RIPOR2: variants seen among roughly 807,000 people sequenced by gnomAD.
RIPOR2 encodes the protein rho family-interacting cell polarization regulator 2.
RIPOR2 carries 39 observed loss-of-function variants against 114.5 expected under a neutral mutation model. That is an observed-to-expected ratio of 0.34 (90% CI 0.26 to 0.44). The LOEUF is 0.44. RIPOR2 is among the 20% of genes least tolerant of loss of function. RIPOR2 has a pLI of 1.00. For missense variants in RIPOR2, 1,007 were observed against 1,255.1 expected (o/e 0.80, Z 2.99); for synonymous variants, 445 against 484.4 (o/e 0.92, Z 1.07).
intron 1 of RIPOR2, among the ~76,000 whole-genome samples, chr6:25,026,039 A>ATT (rs1287315132): frequency 7.5e-6 from 1 of 133,098 alleles, no homozygotes; most frequent in Non-Finnish European, 1.5e-5. Flanking sequence ...AGTTACAAAG[A>ATT]TTGTTGTTTT....
At chr6:24,861,764 CT>C (rs1764092404) in intron 7 of RIPOR2, among the ~76,000 whole-genome samples, 1 of 152,174 alleles carries the variant, frequency 6.6e-6, no homozygotes, top group African/African-American at 2.4e-5. Context: ...ATGTCTATCA[CT>C]TACTGTCAAA....
intron 1 of RIPOR2, among the ~76,000 whole-genome samples, chr6:24,971,425 T>C (rs898084289): frequency 1.3e-5 from 2 of 152,274 alleles, no homozygotes; most frequent in Non-Finnish European, 2.9e-5. Context: ...ATTAACTAGC[T>C]GAATGCCAAC....
chr6:24,832,699 G>A (rs1038822106), intron 15 of RIPOR2, among the ~76,000 whole-genome samples: 13 of 152,162 alleles, frequency 8.5e-5, no homozygotes, highest in Non-Finnish European at 1.5e-4. Flanking sequence ...CCTTTGAAAC[G>A]TGAGGGGCAG....
At chr6:24,840,230 C>T in intron 13 of RIPOR2, 1 of 1,003,018 alleles carries the variant, frequency 1.0e-6, no homozygotes, top group Non-Finnish European at 1.2e-6. Flanking sequence ...AGGCATGAGC[C>T]ACCGCACCTG....
At chr6:24,876,151 G>T (rs1262881134) in intron 1 of RIPOR2, among the ~76,000 whole-genome samples, 2 of 151,960 alleles carry the variant, frequency 1.3e-5, no homozygotes, top group South Asian at 2.1e-4. Flanking sequence ...TTAGCTGGGC[G>T]TGGTGGCGCA....
intron 1 of RIPOR2, among the ~76,000 whole-genome samples, chr6:24,993,730 G>A (rs886586875): frequency 6.6e-6 from 1 of 152,192 alleles, no homozygotes; most frequent in Non-Finnish European, 1.5e-5. Context: ...TCTGCCAATT[G>A]TTTGCTTGTT....
At chr6:24,821,972 G>A (rs961697255) in intron 19 of RIPOR2, among the ~76,000 whole-genome samples, 1 of 152,238 alleles carries the variant, frequency 6.6e-6, no homozygotes, top group African/African-American at 2.4e-5. Context: ...TGGTTTGATA[G>A]TTAGCCTTCA....
At chr6:24,892,919 G>A (rs1378392967) in intron 1 of RIPOR2, among the ~76,000 whole-genome samples, 4 of 152,142 alleles carry the variant, frequency 2.6e-5, no homozygotes, top group Admixed American at 2.6e-4. Context: ...TTTGTCAGGT[G>A]TAAAATGGCC....
chr6:24,921,323 C>A (rs1384730295), intron 1 of RIPOR2, among the ~76,000 whole-genome samples: 1 of 151,178 alleles, frequency 6.6e-6, no homozygotes, highest in African/African-American at 2.5e-5. Context: ...CCACCACACC[C>A]AGCTATTTTT....
intron 6 of RIPOR2, among the ~76,000 whole-genome samples, chr6:24,867,123 T>A (rs918177469): frequency 1.3e-5 from 2 of 152,258 alleles, no homozygotes; most frequent in African/African-American, 4.8e-5. Flanking sequence ...TGCTATTTAC[T>A]TCAACAATGC....
At chr6:24,840,331 G>A in intron 13 of RIPOR2, 1 of 1,074,084 alleles carries the variant, frequency 9.3e-7, no homozygotes, top group Non-Finnish European at 1.1e-6. Flanking sequence ...CTGGAGCTCT[G>A]CCTCAAAGGG....
At chr6:25,042,003 C>A in exon 1 of RIPOR2, 2 of 555,290 alleles carry the variant, frequency 3.6e-6, no homozygotes, top group African/African-American at 1.9e-5. Flanking sequence ...GAAGTTAAGT[C>A]CAGACGTATA....
At chr6:24,840,859 A>G in intron 13 of RIPOR2, 2 of 1,286,744 alleles carry the variant, frequency 1.6e-6, no homozygotes, top group Non-Finnish European at 2.2e-6. Flanking sequence ...CATTTGCCCC[A>G]GACCTAAACA....
chr6:24,912,828 C>T (rs1215684384), intron 1 of RIPOR2, among the ~76,000 whole-genome samples: 1 of 152,080 alleles, frequency 6.6e-6, no homozygotes, highest in Admixed American at 6.6e-5. Context: ...TGACATATAA[C>T]CTTTTATGAG....
rs12110779 is a variant in RIPOR2, at chr6:24,874,094, A to G, written c.189-295T>C. On this transcript the variant is annotated intron_variant, in intron 2 of 21. Transcript: ENST00000643898. ...TGCCCAGGGCAAAGTGCAGTGGTCC[A>G]ATCATAGCTCACTGCAGCCTTGAAC... Among the ~76,000 whole-genome samples, 16,554 of 151,606 alleles carry G rather than the reference A, an allele frequency of 0.11. 1,067 individuals carry two copies. The highest frequency in any genetic ancestry group is 0.19 in the African/African-American group (7,737 of 41,330).
Position 24,905,446 on chromosome 6 carries a change from C to T in RIPOR2, c.62-29629G>A, listed in dbSNP as rs183535902. On this transcript the variant is annotated intron_variant, in intron 1 of 21. Coordinates refer to ENST00000643898, the MANE Select transcript of RIPOR2 (RefSeq NM_001286445.3). ...GATACAGATCAAATTGGCTAAAATG[C>T]TGCCAATAACTTTATAAACTAAAAA... Among the ~76,000 whole-genome samples the T allele has an allele frequency of 4.3e-4, 65 of 151,976 alleles. No homozygotes were observed. The East Asian group carries it at 0.012, about 29-fold the overall frequency.
rs1781181944 is a variant in RIPOR2, at chr6:24,811,674, TTCTTTTTTTTTTTTTTA to T, written c.2953-1884_2953-1868del. Among the ~76,000 whole-genome samples the T allele has an allele frequency of 4.0e-4, 3 of 7,440 alleles. 1 individual carries two copies. The Admixed American group carries it at 0.01, about 25-fold the overall frequency. 4.9% of individuals were successfully genotyped at this position (7,440 alleles called of 152,430 possible). A position where few individuals can be genotyped will look rare whatever the true frequency, so the allele number is the denominator to read the frequency against. On this transcript the variant is annotated intron_variant, in intron 20 of 21. Coordinates refer to ENST00000643898, the MANE Select transcript of RIPOR2 (RefSeq NM_001286445.3). ...GTTTAGTACTTTTTTTTTTTTTTTT[TTCTTTTTTTTTTTTTTA>T]ATTATACTCTAAGTTTTAGGGTACA... is the stretch of plus-strand genomic sequence containing the variant.
intron 1 of RIPOR2, among the ~76,000 whole-genome samples, chr6:25,005,694 GAT>G (rs34057286): frequency 0.039 from 1,737 of 45,068 alleles, 39 homozygotes; most frequent in Non-Finnish European, 0.05. Context: ...TCCCTATGGA[GAT>G]ATATATATAT....
At chr6:24,976,521 A>G in intron 1 of RIPOR2, 1 of 1,586,790 alleles carries the variant, frequency 6.3e-7, no homozygotes. Context: ...GTGACTGCTC[A>G]TCTAATCCAT....
Sources: allele counts gnomAD v4.1 joint callset (sites outside exome capture counted in the v4.1 genomes callset), GRCh38; gene constraint gnomAD v4.1.1; transcripts MANE v1.5; gene names NCBI Gene and HGNC (gene_info 2026-07-23, HGNC 2026-07-21).